Variants in ZC3H14 observed in about 807,000 individuals in gnomAD.
ZC3H14 encodes zinc finger CCCH domain-containing protein 14.
Under a neutral mutation model 92.4 loss-of-function variants are expected in ZC3H14, and 31 were observed. The ratio of observed to expected loss-of-function variants is 0.34; its 90% CI spans 0.25 to 0.45. The LOEUF is 0.45. Ranked by LOEUF, ZC3H14 falls within the 20% of genes least tolerant of loss-of-function variation. The pLI is 1.00. For synonymous variants in ZC3H14, 321 were observed against 300.9 expected, an observed-to-expected ratio of 1.07 and a Z score of -0.69; for missense variants, 781 against 897.3, an observed-to-expected ratio of 0.87 and a Z score of 1.66.
In ZC3H14 at chr14:88,612,090, G is replaced by A. The variant is rs1466703920; in HGVS notation, c.*339G>A. On this transcript the variant is annotated 3_prime_UTR_variant, in exon 17 of 17. Transcript: ENST00000251038. The stretch of plus-strand genomic sequence containing the variant: ...GGTTAGTCATGGTACTGCAGCTTAG[G>A]GGGCTACACGGTTGCTGTGTGAGTG... The A allele has an allele frequency of 6.7e-6, 2 of 297,734 alleles. No individual in the cohort carries two copies. The highest frequency in any genetic ancestry group is 2.2e-5 in the African/African-American group (1 of 46,156). 18.4% of individuals were successfully genotyped at this position (297,734 alleles called of 1,614,324 possible).
intron 6 of ZC3H14, 112 bp downstream of exon 6, chr14:88,573,119 A>AC (rs1455104283): frequency 7.9e-7 from 1 of 1,262,096 alleles, no homozygotes; most frequent in Non-Finnish European, 1.1e-6. Context: ...AGTGGCTCAC[A>AC]CCTGTAATCC....
chr14:88,578,235 A>G lies in ZC3H14; in HGVS notation c.1279+95A>G. The G allele has an allele frequency of 4.1e-6, 6 of 1,477,292 alleles. No homozygotes were observed. The South Asian group carries it at 5.9e-5, about 15-fold the overall frequency. The allele number at this position is 1,477,292 out of a possible 1,614,324, so 91.5% of individuals were successfully genotyped here. On this transcript the variant is annotated intron_variant, in intron 9 of 16. Transcript: ENST00000251038. ...ATTTTTATGAAATATTACACTATGAAAAAAGTGATGATTAAGCCCAGAAAT... is the reference window on the plus strand; with the variant it reads ...ATTTTTATGAAATATTACACTATGAGAAAAGTGATGATTAAGCCCAGAAAT...
At position 88,599,606 on chromosome 14, in the gene ZC3H14, G is replaced by A. The variant is rs186724345; in HGVS notation, c.1355-2318G>A. On this transcript the variant is annotated intron_variant, in intron 10 of 16. Transcript: ENST00000251038. Reference sequence around the variant, plus strand: ...ACTTGGGTTCCCATACTTTCTCCAAGCTTTGACCTTTCGGCTTCCAGTTCA... The same window carrying A: ...ACTTGGGTTCCCATACTTTCTCCAAACTTTGACCTTTCGGCTTCCAGTTCA... Among the ~76,000 whole-genome samples, 4 of 152,250 alleles carry A rather than the reference G, an allele frequency of 2.6e-5. No homozygotes were observed. In the East Asian group the frequency reaches 5.8e-4, roughly 22 times the overall value.
chr14:88,565,370 T>A (rs1372596858), intron 2 of ZC3H14, among the ~76,000 whole-genome samples: 1 of 152,096 alleles, frequency 6.6e-6, no homozygotes, highest in Non-Finnish European at 1.5e-5. Flanking sequence ...CTCAAACTCC[T>A]GACCTTGTGA....
In ZC3H14 at chr14:88,576,023, G is replaced by A. The variant is rs140602724; in HGVS notation, c.1123+83G>A. The A allele has an allele frequency of 6.5e-4, 790 of 1,213,192 alleles. 7 individuals carry two copies. The African/African-American group carries it at 0.011, about 16-fold the overall frequency. The allele number at this position is 1,213,192 out of a possible 1,614,324, so 75.2% of individuals were successfully genotyped here. A position where few individuals can be genotyped will look rare whatever the true frequency, so the allele number is the denominator to read the frequency against. On this transcript the variant is annotated intron_variant, in intron 8 of 16. Transcript: ENST00000251038. ...GGTGAAAATGATTGCTCCTTAAATT[G>A]TAAAATAAAGGTGCCTGTCAGATGT...
rs904940509 is a variant in ZC3H14 at position 88,613,187 on chromosome 14, T to A, written c.*1436T>A. The stretch of plus-strand genomic sequence containing the variant: ...GCTGTGCTGATCCCACAGGAAAGGC[T>A]TGAAACACGAGAAGCAGCAAAGACA... On this transcript the variant is annotated 3_prime_UTR_variant, in exon 17 of 17. Transcript: ENST00000251038. 1 of 152,156 alleles carries A rather than the reference T, an allele frequency of 6.6e-6. No homozygotes were observed. The highest frequency in any genetic ancestry group is 2.4e-5 in the African/African-American group (1 of 41,436). 9.4% of individuals were successfully genotyped at this position (152,156 alleles called of 1,614,324 possible).
chr14:88,571,308 A>G (rs940477614), intron 4 of ZC3H14, among the ~76,000 whole-genome samples, 184 bp downstream of exon 4: 1 of 152,140 alleles, frequency 6.6e-6, no homozygotes, highest in African/African-American at 2.4e-5. Flanking sequence ...AAGATAATTT[A>G]AGTGTGGGAG....
intron 16 of ZC3H14, 137 bp from the exon 17 acceptor site, chr14:88,611,608 A>T (rs1032979153): frequency 2.1e-6 from 2 of 941,922 alleles, no homozygotes; most frequent in Non-Finnish European, 3.2e-6. Flanking sequence ...AATTATTTTT[A>T]AAAATCTGCC....
intron 9 of ZC3H14, among the ~76,000 whole-genome samples, chr14:88,588,982 C>T (rs1055823498): frequency 6.6e-6 from 1 of 152,044 alleles, no homozygotes; most frequent in African/African-American, 2.4e-5. Flanking sequence ...GTCTGAAGAT[C>T]CTAATTAAAG....
intron 9 of ZC3H14, among the ~76,000 whole-genome samples, chr14:88,593,740 C>T (rs1396958486): frequency 6.6e-6 from 1 of 152,062 alleles, no homozygotes; most frequent in African/African-American, 2.4e-5. Flanking sequence ...GGATCAAAAA[C>T]CTAAACTTCA....
Position 88,618,536 on chromosome 14 carries a change from G to C in ZC3H14, c.*6785G>C. On this transcript the variant is annotated 3_prime_UTR_variant, in exon 17 of 17. Coordinates refer to ENST00000251038, the MANE Select transcript of ZC3H14 (RefSeq NM_024824.5). ...GGAGCTGTAGGTCAGAAGGTACAAAGGGAGGAGTTGAGAAGCTGGAGCTCT... is the reference window on the plus strand; with the variant it reads ...GGAGCTGTAGGTCAGAAGGTACAAACGGAGGAGTTGAGAAGCTGGAGCTCT... 7.8e-7 allele frequency: 1 copy of C among 1,276,612 alleles called. No individual in the cohort carries two copies. Among genetic ancestry groups the C allele is most frequent in the Non-Finnish European group, 1.1e-6 (1 of 932,292 alleles). 79.1% of individuals were successfully genotyped at this position (1,276,612 alleles called of 1,614,324 possible).
intron 8 of ZC3H14, among the ~76,000 whole-genome samples, chr14:88,577,555 GTTCTT>G (rs926384684): frequency 1.1e-4 from 16 of 151,830 alleles, no homozygotes; most frequent in African/African-American, 2.9e-4. Flanking sequence ...TCATATATAT[GTTCTT>G]TTCTTTTCTT....
chr14:88,616,954 C>A lies in ZC3H14; in HGVS notation c.*5203C>A. 1 of 1,421,566 alleles carries A rather than the reference C, an allele frequency of 7.0e-7. No individual in the cohort carries two copies. The highest frequency in any genetic ancestry group is 1.3e-5 in the South Asian group (1 of 76,988). The allele number at this position is 1,421,566 out of a possible 1,614,324, so 88.1% of individuals were successfully genotyped here. On this transcript the variant is annotated 3_prime_UTR_variant, in exon 17 of 17. Transcript: ENST00000251038. ...TGACTATATTCAAAAAGTTTCTTGG[C>A]AATTAATCTCTAAGTACCCTATCAT...
At chr14:88,610,713 A>T in intron 15 of ZC3H14, 121 bp from the exon 16 acceptor site, 1 of 925,366 alleles carries the variant, frequency 1.1e-6, no homozygotes, top group Non-Finnish European at 1.7e-6. Context: ...CTGAGGCAAG[A>T]GGTCATGCCA....
At chr14:88,565,946 C>G (rs887870255) in intron 2 of ZC3H14, among the ~76,000 whole-genome samples, 4 of 148,712 alleles carry the variant, frequency 2.7e-5, no homozygotes, top group Non-Finnish European at 4.5e-5. Context: ...TGGCTCACTG[C>G]AACCTCCGCC....
At chr14:88,590,082 A>G (rs2082928137) in intron 9 of ZC3H14, 1 of 152,146 alleles carries the variant, frequency 6.6e-6, no homozygotes, top group Non-Finnish European at 1.5e-5. Context: ...GTGAGCCGAG[A>G]TCATGCCACT....
At chr14:88,599,533 G>A (rs976613655) in intron 10 of ZC3H14, among the ~76,000 whole-genome samples, 1 of 152,164 alleles carries the variant, frequency 6.6e-6, no homozygotes, top group Non-Finnish European at 1.5e-5. Flanking sequence ...GCAGAGAGGT[G>A]TGCGGGAGGG....
At position 88,625,744 on chromosome 14, in the gene ZC3H14, A is replaced by G. The variant is rs1240504781; in HGVS notation, c.*13993A>G. On this transcript the variant is annotated 3_prime_UTR_variant, in exon 17 of 17. Transcript: ENST00000251038. ...CCTGGTCTTATATTAAGAATACCCAAAATGTTCAACTGAAATTTGACATGG... is the reference window on the plus strand; with the variant it reads ...CCTGGTCTTATATTAAGAATACCCAGAATGTTCAACTGAAATTTGACATGG... The G allele has an allele frequency of 6.6e-6, 1 of 152,206 alleles. No individual in the cohort carries two copies. Among genetic ancestry groups the G allele is most frequent in the Non-Finnish European group, 1.5e-5 (1 of 68,050 alleles). 9.4% of individuals were successfully genotyped at this position (152,206 alleles called of 1,614,324 possible).
chr14:88,568,065 G>A lies in ZC3H14; in HGVS notation c.106G>A (p.Val36Met). Reference protein sequence around the residue: ...VDEELPDYIMVMVANKKSQDQ... With the variant: ...VDEELPDYIMMMVANKKSQDQ... ...TGAAGAACTTCCTGATTACATTATG[G>A]TGATGGTGGCCAACAAGAAAAGTCA... is the stretch of plus-strand genomic sequence containing the variant. The change falls in exon 3 of 17, where the codon GTG becomes ATG. Residue 36 changes from valine to methionine, a missense_variant. Coordinates refer to ENST00000251038, the MANE Select transcript of ZC3H14 (RefSeq NM_024824.5). 1 of 1,614,062 alleles carries A rather than the reference G, an allele frequency of 6.2e-7. No homozygotes were observed. Among genetic ancestry groups the A allele is most frequent in the Non-Finnish European group, 8.5e-7 (1 of 1,179,952 alleles).
Sources: allele counts gnomAD v4.1 joint callset (sites outside exome capture counted in the v4.1 genomes callset), GRCh38; gene constraint gnomAD v4.1.1; transcripts MANE v1.5; gene names NCBI Gene and HGNC (gene_info 2026-07-23, HGNC 2026-07-21).